SMIM36: variants seen among roughly 807,000 people sequenced by gnomAD.
The protein encoded by SMIM36 is small integral membrane protein 36.
intron 4 of SMIM36, among the ~76,000 whole-genome samples, chr17:55,451,949 T>G (rs1908926167): frequency 6.6e-6 from 1 of 151,334 alleles, no homozygotes; most frequent in South Asian, 2.1e-4. Flanking sequence ...ATAAAAAGAT[T>G]TTAAAAATTA....
At chr17:55,462,566 A>G (rs890240216) in intron 4 of SMIM36, among the ~76,000 whole-genome samples, 4 of 152,218 alleles carry the variant, frequency 2.6e-5, no homozygotes, top group African/African-American at 4.8e-5. Flanking sequence ...TGACAGAACC[A>G]CTGCACTCCA....
chr17:55,464,221 CTTAA>C (rs1412973899), intron 4 of SMIM36, among the ~76,000 whole-genome samples: 2 of 152,206 alleles, frequency 1.3e-5, no homozygotes, highest in African/African-American at 4.8e-5. Flanking sequence ...GGAGAAGGAT[CTTAA>C]TTAATTAATT....
intron 3 of SMIM36, among the ~76,000 whole-genome samples, chr17:55,474,453 A>G (rs1181508253): frequency 6.6e-6 from 1 of 152,186 alleles, no homozygotes; most frequent in African/African-American, 2.4e-5. Context: ...GCAGTGGCTG[A>G]ACACCAGGAA....
intron 1 of SMIM36, among the ~76,000 whole-genome samples, chr17:55,492,905 C>T (rs1909738789): frequency 6.6e-6 from 1 of 152,200 alleles, no homozygotes; most frequent in Admixed American, 6.5e-5. Flanking sequence ...CAATGCATCA[C>T]CATATGCCTG....
rs377074539 is a variant in SMIM36 at position 55,505,894 on chromosome 17, A to C, written c.*174+4985T>G. Among the ~76,000 whole-genome samples the C allele has an allele frequency of 1.4e-4, 15 of 105,098 alleles. No individual in the cohort carries two copies. The South Asian group carries it at 4.0e-3, about 28-fold the overall frequency. The allele number at this position is 105,098 out of a possible 152,430, so 68.9% of individuals were successfully genotyped here. ...TCAGCAAAGTCTCAGGATACAAAAT[A>C]AATGTACAAAAATCACAAGCATTCT... is the stretch of plus-strand genomic sequence containing the variant. On this transcript the variant is annotated intron_variant, in intron 1 of 4. Transcript: ENST00000636752.
At chr17:55,500,017 T>C (rs1302153557) in intron 1 of SMIM36, among the ~76,000 whole-genome samples, 1 of 152,078 alleles carries the variant, frequency 6.6e-6, no homozygotes, top group African/African-American at 2.4e-5. Flanking sequence ...TGTTGTTTTT[T>C]TTTCTTTTTT....
At chr17:55,519,742 G>A in the SMIM36 span, among the ~76,000 whole-genome samples, 1 of 152,202 alleles carries the variant, frequency 6.6e-6, no homozygotes, top group Non-Finnish European at 1.5e-5. Context: ...GTGAAAAGAA[G>A]AGGCATTTGG....
chr17:55,496,013 T>C (rs995539116), intron 1 of SMIM36, among the ~76,000 whole-genome samples: 2 of 152,198 alleles, frequency 1.3e-5, no homozygotes, highest in African/African-American at 4.8e-5. Context: ...CTGCTGCGTA[T>C]ACATTTTTGT....
Position 55,504,652 on chromosome 17 carries a change from C to A in SMIM36, c.*174+6227G>T, listed in dbSNP as rs1330563032. Among the ~76,000 whole-genome samples the A allele has an allele frequency of 5.8e-5, 5 of 85,848 alleles. 1 individual carries two copies. Among genetic ancestry groups the A allele is most frequent in the Non-Finnish European group, 1.0e-4 (5 of 48,950 alleles). The allele number at this position is 85,848 out of a possible 152,430, so 56.3% of individuals were successfully genotyped here. A position where few individuals can be genotyped will look rare whatever the true frequency, so the allele number is the denominator to read the frequency against. ...CGATCCAAAATTGACACCCTAACAT[C>A]ACAATTAGAAGAACTAGAAAAGCAA... On this transcript the variant is annotated intron_variant, in intron 1 of 4. Coordinates refer to ENST00000636752, the Ensembl canonical transcript of SMIM36.
intron 1 of SMIM36, among the ~76,000 whole-genome samples, chr17:55,493,726 C>T (rs1422745003): frequency 2.7e-5 from 4 of 150,254 alleles, no homozygotes; most frequent in Non-Finnish European, 5.9e-5. Flanking sequence ...GGGAGGATCC[C>T]TTGAGCCTGG....
chr17:55,485,759 T>C (rs1306507242), intron 1 of SMIM36, among the ~76,000 whole-genome samples: 1 of 152,234 alleles, frequency 6.6e-6, no homozygotes, highest in Non-Finnish European at 1.5e-5. Flanking sequence ...CCATAAGCCC[T>C]GGAAGGCAGG....
At chr17:55,508,370 T>C (rs1418638747) in intron 1 of SMIM36, among the ~76,000 whole-genome samples, 1 of 149,206 alleles carries the variant, frequency 6.7e-6, no homozygotes, top group Non-Finnish European at 1.5e-5. Flanking sequence ...ACATTCAATA[T>C]ATATATTCTC....
chr17:55,480,067 C>T (rs182748444), intron 1 of SMIM36, among the ~76,000 whole-genome samples: 16 of 152,188 alleles, frequency 1.1e-4, no homozygotes, highest in African/African-American at 2.4e-4. Flanking sequence ...CCTATAGTAA[C>T]CTTGCCGCCA....
rs191659777 is a variant in SMIM36 at position 55,507,857 on chromosome 17, C to T, written c.*174+3022G>A. ...CAGCCTGCGGACTTAAGCCAGGCGT[C>T]GTGCTGACATTTAAAGATGATTCCT... On this transcript the variant is annotated intron_variant, in intron 1 of 4. Coordinates refer to ENST00000636752, the Ensembl canonical transcript of SMIM36. Among the ~76,000 whole-genome samples the T allele has an allele frequency of 2.4e-4, 37 of 152,284 alleles. No individual in the cohort carries two copies. The East Asian group carries it at 3.5e-3, about 14-fold the overall frequency.
intron 3 of SMIM36, among the ~76,000 whole-genome samples, chr17:55,468,674 C>G (rs1909287629): frequency 6.6e-6 from 1 of 152,162 alleles, no homozygotes; most frequent in Non-Finnish European, 1.5e-5. Flanking sequence ...TCACCCGCCC[C>G]CTTCTCCGTG....
chr17:55,493,756 C>T (rs1420023313), intron 1 of SMIM36, among the ~76,000 whole-genome samples: 4 of 145,016 alleles, frequency 2.8e-5, no homozygotes, highest in African/African-American at 1.0e-4. Context: ...GCTCCAGTGA[C>T]CCGAGATCGC....
At chr17:55,530,079 G>T in the SMIM36 span, among the ~76,000 whole-genome samples, 2 of 152,176 alleles carry the variant, frequency 1.3e-5, no homozygotes, top group African/African-American at 2.4e-5. Context: ...CGAGGAAAGA[G>T]AAATAAAAGA....
intron 3 of SMIM36, among the ~76,000 whole-genome samples, chr17:55,470,440 C>T (rs1201520921): frequency 4.6e-5 from 7 of 152,140 alleles, no homozygotes; most frequent in African/African-American, 1.4e-4. Flanking sequence ...TCCACATTAC[C>T]TTCTTTTCAA....
At chr17:55,510,179 G>A (rs374336650) in intron 1 of SMIM36, among the ~76,000 whole-genome samples, 30 of 151,666 alleles carry the variant, frequency 2.0e-4, no homozygotes, top group Non-Finnish European at 3.5e-4. Flanking sequence ...GAAGAGGCAG[G>A]ATTTGAACCC....
Sources: allele counts gnomAD v4.1 joint callset (sites outside exome capture counted in the v4.1 genomes callset), GRCh38; gene constraint gnomAD v4.1.1; transcripts MANE v1.5; gene names NCBI Gene and HGNC (gene_info 2026-07-23, HGNC 2026-07-21).